Variants in MIPOL1 observed in about 807,000 individuals in gnomAD.
MIPOL1 encodes the protein mirror-image polydactyly gene 1 protein.
A neutral mutation model predicts 60.9 loss-of-function variants in MIPOL1; 57 were observed. The observed-to-expected ratio is 0.94, with a 90% CI of 0.76 to 1.17. MIPOL1 has a LOEUF of 1.17. Ranked by LOEUF, MIPOL1 falls within the 50% of genes most tolerant of loss-of-function variation. MIPOL1 has a pLI of 0.00. For missense variants in MIPOL1, 551 were observed against 511.6 expected (o/e 1.08, Z -0.74); for synonymous variants, 179 against 168.8 (o/e 1.06, Z -0.47).
chr14:37,480,539 G>A (rs1417926109), intron 11 of MIPOL1, among the ~76,000 whole-genome samples: 7 of 150,216 alleles, frequency 4.7e-5, no homozygotes, highest in East Asian at 1.9e-4. Flanking sequence ...CACCAAACTC[G>A]GTATAGAAAG....
chr14:37,232,668 T>C (rs1432063874), intron 1 of MIPOL1, among the ~76,000 whole-genome samples: 2 of 152,248 alleles, frequency 1.3e-5, no homozygotes, highest in Non-Finnish European at 2.9e-5. Flanking sequence ...TTTTATAGTA[T>C]TGATGGAGGC....
chr14:37,448,181 AG>A, intron 11 of MIPOL1, among the ~76,000 whole-genome samples: 1 of 152,338 alleles, frequency 6.6e-6, no homozygotes. Flanking sequence ...AGAGAACCCC[AG>A]TTAGGTGCTA....
chr14:37,317,641 C>T (rs1015470602), intron 9 of MIPOL1, among the ~76,000 whole-genome samples: 2 of 151,944 alleles, frequency 1.3e-5, no homozygotes, highest in East Asian at 1.9e-4. Context: ...GGCAAGGTCC[C>T]GGATAGTAAA....
In MIPOL1 at chr14:37,205,010, A is replaced by C. The variant is rs867769003; in HGVS notation, c.-199+6906A>C. On this transcript the variant is annotated intron_variant, in intron 1 of 12. Transcript: ENST00000684589. Reference sequence around the variant, plus strand: ...AGGAACTTGTTGAGAACTGTAGCAAAAGCAAAGAGACTGGCGGCATTTTGC... The same window carrying C: ...AGGAACTTGTTGAGAACTGTAGCAACAGCAAAGAGACTGGCGGCATTTTGC... Among the ~76,000 whole-genome samples, 4 of 152,302 alleles carry C rather than the reference A, an allele frequency of 2.6e-5. No homozygotes were observed. The South Asian group carries it at 8.3e-4, about 32-fold the overall frequency.
intron 7 of MIPOL1, among the ~76,000 whole-genome samples, chr14:37,299,873 G>A (rs188236875): frequency 6.6e-6 from 1 of 151,992 alleles, no homozygotes; most frequent in Non-Finnish European, 1.5e-5. Flanking sequence ...TCCCTAGCCT[G>A]TCCTGGGCTG....
intron 11 of MIPOL1, among the ~76,000 whole-genome samples, chr14:37,426,546 A>T (rs1370436807): frequency 2.4e-5 from 3 of 123,272 alleles, no homozygotes; most frequent in African/African-American, 9.0e-5. Flanking sequence ...GGGCAACAAG[A>T]GTGAAACTCT....
chr14:37,500,020 C>A lies in MIPOL1; in HGVS notation c.1144C>A (p.Gln382Lys), dbSNP rs773916137. 1.5e-5 allele frequency: 25 copies of A among 1,613,746 alleles called. No individual in the cohort carries two copies. The highest frequency in any genetic ancestry group is 1.5e-4 in the South Asian group (14 of 91,076). Reference sequence around the variant, plus strand: ...AGAGAACATTGTTTCCATCACTCAACAACAAAATGAGGAACTGGCTACTCA... The same window carrying A: ...AGAGAACATTGTTTCCATCACTCAAAAACAAAATGAGGAACTGGCTACTCA... ...NRENIVSITQ[Q>K]QNEELATQLQ... Residue 382 changes from glutamine to lysine, a missense_variant, in exon 12 of 13, where the codon CAA becomes AAA. Gln to Lys is a moderately conservative substitution (Grantham distance 53, BLOSUM62 1). Transcript: ENST00000684589.
chr14:37,331,854 C>A (rs925973000), intron 9 of MIPOL1, among the ~76,000 whole-genome samples: 2 of 152,078 alleles, frequency 1.3e-5, no homozygotes. Context: ...CGAGATCTTA[C>A]AGAAAGCACT....
intron 11 of MIPOL1, among the ~76,000 whole-genome samples, chr14:37,487,908 C>T (rs183966949): frequency 3.0e-4 from 46 of 152,246 alleles, no homozygotes; most frequent in African/African-American, 1.0e-3. Context: ...TTCTCTAGTT[C>T]TTTCAATTGT....
At chr14:37,417,059 G>A (rs770497007) in intron 10 of MIPOL1, among the ~76,000 whole-genome samples, 2 of 152,120 alleles carry the variant, frequency 1.3e-5, no homozygotes, top group Non-Finnish European at 2.9e-5. Flanking sequence ...TGTAGGTGAG[G>A]AAGTTGAGGC....
rs1208585249 is a variant in MIPOL1, at chr14:37,235,928, A to AT, written c.-198-11175_-198-11174insT. ...GACCTTACCAATGCTTAGTATTTTC[A>AT]ATTTTTTTTTTTTTTTGAGACGAAC... On this transcript the variant is annotated intron_variant, in intron 1 of 12. Transcript: ENST00000684589. Among the ~76,000 whole-genome samples the AT allele has an allele frequency of 4.0e-5, 6 of 150,276 alleles. No individual in the cohort carries two copies. The East Asian group carries it at 1.3e-3, about 32-fold the overall frequency.
At chr14:37,329,925 T>G (rs2089519771) in intron 9 of MIPOL1, among the ~76,000 whole-genome samples, 1 of 152,136 alleles carries the variant, frequency 6.6e-6, no homozygotes, top group Non-Finnish European at 1.5e-5. Flanking sequence ...TTACTGAATT[T>G]TATTTTCCTG....
chr14:37,446,716 C>T (rs1036801266), intron 11 of MIPOL1, among the ~76,000 whole-genome samples: 6 of 152,124 alleles, frequency 3.9e-5, no homozygotes, highest in African/African-American at 1.4e-4. Flanking sequence ...AAATGTGGCA[C>T]ATATGCACCA....
chr14:37,453,336 C>T (rs1203084871), intron 11 of MIPOL1, among the ~76,000 whole-genome samples: 1 of 151,824 alleles, frequency 6.6e-6, no homozygotes, highest in Non-Finnish European at 1.5e-5. Context: ...TTCAGGATCC[C>T]ATAACTAACC....
At chr14:37,443,125 C>T (rs893993194) in intron 11 of MIPOL1, among the ~76,000 whole-genome samples, 3 of 152,026 alleles carry the variant, frequency 2.0e-5, no homozygotes, top group African/African-American at 7.2e-5. Flanking sequence ...GAATAGACAT[C>T]TTGAAATTTA....
intron 6 of MIPOL1, among the ~76,000 whole-genome samples, chr14:37,272,692 A>T (rs2083381367): frequency 6.6e-6 from 1 of 151,634 alleles, no homozygotes; most frequent in Admixed American, 6.6e-5. Context: ...AGAACAAATA[A>T]TCCACATATG....
intron 9 of MIPOL1, among the ~76,000 whole-genome samples, chr14:37,322,143 A>T (rs967944189): frequency 2.6e-5 from 4 of 152,010 alleles, no homozygotes; most frequent in Non-Finnish European, 5.9e-5. Context: ...ACCCTTCAGC[A>T]TAGTATATCA....
At chr14:37,350,884 C>T (rs2091305892) in intron 9 of MIPOL1, among the ~76,000 whole-genome samples, 1 of 152,136 alleles carries the variant, frequency 6.6e-6, no homozygotes, top group Admixed American at 6.5e-5. Flanking sequence ...CCAGTTCCAT[C>T]CATGTTATTG....
intron 11 of MIPOL1, among the ~76,000 whole-genome samples, chr14:37,473,048 G>T (rs2094713178): frequency 6.6e-6 from 1 of 152,174 alleles, no homozygotes; most frequent in Non-Finnish European, 1.5e-5. Flanking sequence ...AATCACCAGT[G>T]TGGTGGTGCT....
Sources: gnomAD v4.1 joint callset for allele counts (sites outside exome capture counted in the v4.1 genomes callset) on GRCh38, gnomAD v4.1.1 for gene constraint, MANE v1.5 for transcripts, NCBI Gene and HGNC (gene_info 2026-07-23, HGNC 2026-07-21) for gene names.